RAB22A: variants seen among roughly 807,000 people sequenced by gnomAD.
RAB22A encodes ras-related protein Rab-22A.
Under a neutral mutation model 30.2 loss-of-function variants are expected in RAB22A, and 13 were observed. That is an observed-to-expected ratio of 0.43 (90% CI 0.28 to 0.68). RAB22A has a LOEUF of 0.68. Ranked by LOEUF, RAB22A falls within the 30% of genes least tolerant of loss-of-function variation. The probability of loss-of-function intolerance (pLI) is 0.18; values close to 1 mark genes in which losing one functional copy is unlikely to be tolerated. For missense variants in RAB22A, 177 were observed against 246.8 expected (o/e 0.72, Z 1.89); for synonymous variants, 89 against 87.2 (o/e 1.02, Z -0.11).
chr20:58,350,110 A>G (rs997659846), intron 3 of RAB22A, among the ~76,000 whole-genome samples: 3 of 152,220 alleles, frequency 2.0e-5, no homozygotes, highest in East Asian at 1.9e-4. Flanking sequence ...GGGAAAAAAA[A>G]AAGGAGTGTT....
chr20:58,334,662 GATATAAA>G lies in RAB22A; in HGVS notation c.117-9050_117-9044del, dbSNP rs147850168. 4.7e-3 allele frequency among the ~76,000 whole-genome samples: 701 copies of G among 150,466 alleles called. 1 individual carries two copies. The highest frequency in any genetic ancestry group is 6.6e-3 in the Non-Finnish European group (448 of 67,734). On this transcript the variant is annotated intron_variant, in intron 2 of 6. Transcript: ENST00000244040. ...CAAGAATATTTTTGATGGACTCCGT[GATATAAA>G]ATATATCACAATGTCTGTGAATATA...
Position 58,342,770 on chromosome 20 carries a change from G to A in RAB22A, c.117-948G>A, listed in dbSNP as rs183646990. ...AGACTGGGATGCTTTGAGAAGACTG[G>A]GAGACAAAGGACTTCCTGGGAGGCT... On this transcript the variant is annotated intron_variant, in intron 2 of 6. Coordinates refer to ENST00000244040, the MANE Select transcript of RAB22A (RefSeq NM_020673.3). 9.2e-5 allele frequency among the ~76,000 whole-genome samples: 14 copies of A among 152,264 alleles called. No homozygotes were observed. The East Asian group carries it at 2.5e-3, about 27-fold the overall frequency.
At chr20:58,325,211 G>A (rs1283764036) in intron 2 of RAB22A, among the ~76,000 whole-genome samples, 1 of 151,568 alleles carries the variant, frequency 6.6e-6, no homozygotes, top group Non-Finnish European at 1.5e-5. Context: ...AGGCGCAGTG[G>A]CTCACACCTG....
At chr20:58,348,162 G>A (rs1259001632) in intron 3 of RAB22A, among the ~76,000 whole-genome samples, 2 of 152,120 alleles carry the variant, frequency 1.3e-5, no homozygotes, top group East Asian at 3.9e-4. Flanking sequence ...GGGAGGTGGA[G>A]GTTGCAGTGA....
In RAB22A at chr20:58,353,678, T is replaced by C. The variant is rs1056328530; in HGVS notation, c.377+140T>C. The C allele has an allele frequency of 4.6e-5, 34 of 741,630 alleles. No individual in the cohort carries two copies. In the African/African-American group the frequency reaches 5.3e-4, roughly 12 times the overall value. The allele number at this position is 741,630 out of a possible 1,614,324, so 45.9% of individuals were successfully genotyped here. On this transcript the variant is annotated intron_variant, in intron 5 of 6. Coordinates refer to ENST00000244040, the MANE Select transcript of RAB22A (RefSeq NM_020673.3). ...TTGGTTGTGTGGTTGGAGTCCTAAA[T>C]TTTTAAACTAAAATTAAGATTTCAG...
chr20:58,334,754 AT>A (rs1260321713), intron 2 of RAB22A, among the ~76,000 whole-genome samples: 1 of 119,066 alleles, frequency 8.4e-6, no homozygotes, highest in Non-Finnish European at 1.8e-5. Context: ...TTTTGGCCTT[AT>A]TGTATTGGCT....
rs1385672755 is a variant in RAB22A at position 58,367,132 on chromosome 20, T to G, written c.*7429T>G. ...GGCCTTGGACTTACTGCATGACACA[T>G]GGCCTGGTTACCTGTCATGGAATGC... On this transcript the variant is annotated 3_prime_UTR_variant, in exon 7 of 7. Transcript: ENST00000244040. 1 of 152,566 alleles carries G rather than the reference T, an allele frequency of 6.6e-6. No individual in the cohort carries two copies. Among genetic ancestry groups the G allele is most frequent in the Non-Finnish European group, 1.5e-5 (1 of 68,042 alleles). 9.5% of individuals were successfully genotyped at this position (152,566 alleles called of 1,614,324 possible).
chr20:58,335,704 T>A (rs1298051997), intron 2 of RAB22A, among the ~76,000 whole-genome samples: 1 of 152,190 alleles, frequency 6.6e-6, no homozygotes, highest in Non-Finnish European at 1.5e-5. Flanking sequence ...TATCCTTGTT[T>A]TGTACGTTTT....
At chr20:58,354,906 C>G (rs1168714743) in intron 6 of RAB22A, among the ~76,000 whole-genome samples, 1 of 152,168 alleles carries the variant, frequency 6.6e-6, no homozygotes, top group Admixed American at 6.5e-5. Context: ...GGGAAACAGA[C>G]AGTGAACACC....
intron 6 of RAB22A, among the ~76,000 whole-genome samples, chr20:58,354,570 T>C (rs184531525): frequency 6.6e-6 from 1 of 152,294 alleles, no homozygotes; most frequent in African/African-American, 2.4e-5. Context: ...CCAAGGTCAT[T>C]GAAAATGAAC....
At chr20:58,311,610 A>G (rs76612167) in intron 2 of RAB22A, among the ~76,000 whole-genome samples, 2,307 of 152,344 alleles carry the variant, frequency 0.015, 27 homozygotes, top group Non-Finnish European at 0.021. Context: ...CTCTGGTTCT[A>G]TGGATAAGTA....
chr20:58,315,065 G>A (rs1986308468), intron 2 of RAB22A, among the ~76,000 whole-genome samples: 1 of 152,026 alleles, frequency 6.6e-6, no homozygotes, highest in Non-Finnish European at 1.5e-5. Context: ...AGCCAGCAGG[G>A]ACCAGTCCAC....
rs1449720327 is a variant in RAB22A, at chr20:58,362,896, G to A, written c.*3193G>A. 4 of 152,156 alleles carry A rather than the reference G, an allele frequency of 2.6e-5. No individual in the cohort carries two copies. Among genetic ancestry groups the A allele is most frequent in the East Asian group, 1.9e-4 (1 of 5,192 alleles). The allele number at this position is 152,156 out of a possible 1,614,324, so 9.4% of individuals were successfully genotyped here. A position where few individuals can be genotyped will look rare whatever the true frequency, so the allele number is the denominator to read the frequency against. ...AGGCTTGAGCGCCTCCTCTATGTGG[G>A]CTGGTGTCCTTCTTGAAGTTGTCAA... On this transcript the variant is annotated 3_prime_UTR_variant, in exon 7 of 7. Coordinates refer to ENST00000244040, the MANE Select transcript of RAB22A (RefSeq NM_020673.3).
intron 2 of RAB22A, among the ~76,000 whole-genome samples, chr20:58,317,061 G>T (rs1986354894): frequency 6.6e-6 from 1 of 152,120 alleles, no homozygotes; most frequent in Non-Finnish European, 1.5e-5. Flanking sequence ...TCACAGCTCT[G>T]CCACTTGCTA....
intron 2 of RAB22A, among the ~76,000 whole-genome samples, chr20:58,317,556 C>CTTTT (rs35819954): frequency 7.2e-5 from 9 of 124,930 alleles, no homozygotes; most frequent in East Asian, 2.3e-4. Flanking sequence ...AGTTATTATT[C>CTTTT]TTTTTTTTTT....
intron 2 of RAB22A, among the ~76,000 whole-genome samples, chr20:58,336,272 A>C (rs1986751203): frequency 6.6e-6 from 1 of 152,156 alleles, no homozygotes; most frequent in African/African-American, 2.4e-5. Context: ...TTGGCCTTCC[A>C]AAGTGCTGGG....
chr20:58,343,618 G>T, intron 2 of RAB22A, 100 bp from the exon 3 acceptor site: 1 of 849,624 alleles, frequency 1.2e-6, no homozygotes. Flanking sequence ...GCGTGGTGCT[G>T]GGAGACTGAG....
chr20:58,364,738 T>C lies in RAB22A; in HGVS notation c.*5035T>C, dbSNP rs954248890. The C allele has an allele frequency of 6.6e-6, 1 of 151,760 alleles. No homozygotes were observed. Among genetic ancestry groups the C allele is most frequent in the Non-Finnish European group, 1.5e-5 (1 of 67,958 alleles). 9.4% of individuals were successfully genotyped at this position (151,760 alleles called of 1,614,324 possible). ...GATAGTAATGATTTTTTTTCTTTTT[T>C]TTTTTTTTTCTTTTTTTAGATGGAG... On this transcript the variant is annotated 3_prime_UTR_variant, in exon 7 of 7. Transcript: ENST00000244040.
In RAB22A at chr20:58,309,952, G is replaced by A; in HGVS notation, c.-25G>A. The A allele has an allele frequency of 7.9e-7, 1 of 1,264,814 alleles. No individual in the cohort carries two copies. Among genetic ancestry groups the A allele is most frequent in the African/African-American group, 1.5e-5 (1 of 64,680 alleles). 78.3% of individuals were successfully genotyped at this position (1,264,814 alleles called of 1,614,324 possible). ...CCCTTCTCAACTTAGGGCGGCGGCGGGCCCGCGCCCCTGGCTCCCGGGCCA... is the reference window on the plus strand; with the variant it reads ...CCCTTCTCAACTTAGGGCGGCGGCGAGCCCGCGCCCCTGGCTCCCGGGCCA... On this transcript the variant is annotated 5_prime_UTR_variant, in exon 1 of 7. Coordinates refer to ENST00000244040, the MANE Select transcript of RAB22A (RefSeq NM_020673.3).
Sources: allele counts gnomAD v4.1 joint callset (sites outside exome capture counted in the v4.1 genomes callset), GRCh38; gene constraint gnomAD v4.1.1; transcripts MANE v1.5; gene names NCBI Gene and HGNC (gene_info 2026-07-23, HGNC 2026-07-21).